PKD1: variants seen among roughly 807,000 people sequenced by gnomAD.
The protein encoded by PKD1 is polycystin-1.
PKD1 carries 81 observed loss-of-function variants against 361.7 expected under a neutral mutation model. That is an observed-to-expected ratio of 0.22 (90% CI 0.19 to 0.27). The LOEUF (loss-of-function observed/expected upper bound fraction) is 0.27, where lower values mean the gene tolerates loss of function less well. Among genes scored for constraint, PKD1 ranks in the 10% least tolerant of loss-of-function variants. PKD1 has a pLI of 1.00. For synonymous variants in PKD1, 3,615 were observed against 2,818.3 expected (o/e 1.28, Z -8.95); for missense variants, 6,399 against 6,118.3 (o/e 1.05, Z -1.53).
chr16:2,126,640 G>A (rs1054176788), intron 1 of PKD1, among the ~76,000 whole-genome samples: 2 of 152,246 alleles, frequency 1.3e-5, no homozygotes, highest in African/African-American at 4.8e-5. Flanking sequence ...CAGCCAGCTG[G>A]AGCGCAGGCA....
chr16:2,093,851 G>T lies in PKD1; in HGVS notation c.10781C>A (p.Ala3594Asp). Reference sequence around the variant, plus strand: ...GCCGAGGAATGAGGCCAGGAAGCTGGCGCTGCTGGACAGGAGCCACGCAAC... The same window carrying T: ...GCCGAGGAATGAGGCCAGGAAGCTGTCGCTGCTGGACAGGAGCCACGCAAC... ...VSVAWLLSSS[A>D]SFLASFLGWE... Residue 3594 changes from alanine (A) to aspartate (D), a missense_variant, in exon 36 of 46, where the codon GCC (alanine) becomes GAC (aspartate). Coordinates refer to ENST00000262304, the MANE Select transcript of PKD1 (RefSeq NM_001009944.3). 1 of 1,565,804 alleles carries T rather than the reference G, an allele frequency of 6.4e-7. No individual in the cohort carries two copies. Among genetic ancestry groups the T allele is most frequent in the Non-Finnish European group, 8.6e-7 (1 of 1,161,516 alleles).
chr16:2,114,268 G>C lies in PKD1; in HGVS notation c.2755C>G (p.Arg919Gly). The C allele has an allele frequency of 6.2e-7, 1 of 1,610,324 alleles. No homozygotes were observed. The highest frequency in any genetic ancestry group is 8.5e-7 in the Non-Finnish European group (1 of 1,179,596). Residue 919 changes from arginine to glycine, a missense_variant, in exon 11 of 46, where the codon CGG (arginine) becomes GGG (glycine). Transcript: ENST00000262304. Reference protein sequence around the residue: ...VDVVVENSASRANLSLRVTAE... With the variant: ...VDVVVENSASGANLSLRVTAE... Reference sequence around the variant, plus strand: ...GTCACCCGCAGGCTGAGGTTGGCCCGGCTGGCGCTGTTTTCCACCACCACG... The same window carrying C: ...GTCACCCGCAGGCTGAGGTTGGCCCCGCTGGCGCTGTTTTCCACCACCACG...
chr16:2,122,678 A>AC (rs1430918111), intron 1 of PKD1, among the ~76,000 whole-genome samples: 2 of 152,206 alleles, frequency 1.3e-5, no homozygotes, highest in Non-Finnish European at 1.5e-5. Flanking sequence ...GCCGTGAGGA[A>AC]CTGCAGTTAG....
chr16:2,092,344 C>G, intron 39 of PKD1, 136 bp downstream of exon 39: 1 of 996,486 alleles, frequency 1.0e-6, no homozygotes, highest in Admixed American at 2.1e-5. Flanking sequence ...CTCTCATATA[C>G]AGAGAAGGAA....
chr16:2,089,266 A>G lies in PKD1; in HGVS notation c.*461T>C, dbSNP rs969550464. On this transcript the variant is annotated 3_prime_UTR_variant, in exon 46 of 46. Coordinates refer to ENST00000262304, the MANE Select transcript of PKD1 (RefSeq NM_001009944.3). ...GACATACAAAAATATACACATTTTA[A>G]CACCATATAAATTACTGACACGAGA... 5.1e-6 allele frequency: 1 copy of G among 194,804 alleles called. No individual in the cohort carries two copies. 12.1% of individuals were successfully genotyped at this position (194,804 alleles called of 1,614,324 possible).
chr16:2,127,361 T>C (rs941274732), intron 1 of PKD1, among the ~76,000 whole-genome samples: 2 of 152,002 alleles, frequency 1.3e-5, no homozygotes, highest in Admixed American at 6.5e-5. Flanking sequence ...CACCCAGATG[T>C]AGGCACAAGC....
chr16:2,109,510 G>A lies in PKD1; in HGVS notation c.5657C>T (p.Pro1886Leu), dbSNP rs80360487. The A allele has an allele frequency of 6.2e-7, 1 of 1,610,154 alleles. No individual in the cohort carries two copies. The highest frequency in any genetic ancestry group is 8.5e-7 in the Non-Finnish European group (1 of 1,179,304). ...SATYNLTAEE[P>L]IVGLVLWASS... ...GGCCCACAGCACCAGGCCCACGATG[G>A]GCTCCTCCGCCGTGAGGTTGTACGT... Residue 1886 changes from proline to leucine, a missense_variant, in exon 15 of 46, where the codon CCC becomes CTC. Physicochemically the swap from Pro to Leu is moderately conservative, Grantham distance 98. Transcript: ENST00000262304.
In PKD1 at chr16:2,092,946, G is replaced by A. The variant is rs747126384; in HGVS notation, c.11156+8C>T. 2.5e-6 allele frequency: 4 copies of A among 1,612,998 alleles called. No homozygotes were observed. Among genetic ancestry groups the A allele is most frequent in the Non-Finnish European group, 3.4e-6 (4 of 1,180,006 alleles). ...CAGAAGACAGACCAGTGCACCGGAT[G>A]CCCGTACCGCGTGATGGCCAGGAAG... On this transcript the variant is annotated splice_region_variant and intron_variant, in intron 38 of 45. Transcript: ENST00000262304.
intron 42 of PKD1, 58 bp from the exon 43 acceptor site, chr16:2,091,232 G>C: frequency 1.2e-6 from 1 of 815,958 alleles, no homozygotes; most frequent in Admixed American, 5.2e-5. Context: ...GGCCCTGCGA[G>C]GGGGCGGGAC....
In PKD1 at chr16:2,097,865, C is replaced by T. The variant is rs1473845632; in HGVS notation, c.10167+3G>A. 3 of 1,605,430 alleles carry T rather than the reference C, an allele frequency of 1.9e-6. No individual in the cohort carries two copies. The highest frequency in any genetic ancestry group is 1.7e-5 in the Admixed American group (1 of 59,994). ...AGCCCAGGACCCCCAGTAGAGTCCT[C>T]ACCTCAGCGTGGAGGCCTGAGAACG... On this transcript the variant is annotated splice_donor_region_variant and intron_variant, in intron 31 of 45. Coordinates refer to ENST00000262304, the MANE Select transcript of PKD1 (RefSeq NM_001009944.3).
At position 2,088,743 on chromosome 16, in the gene PKD1, C is replaced by T. The variant is rs1198786097; in HGVS notation, c.*984G>A. Reference sequence around the variant, plus strand: ...ACAGCTCTTTTATTGACTTTGTCTGCTTGGTGCGGGGGTTGGGGGGGTGTC... The same window carrying T: ...ACAGCTCTTTTATTGACTTTGTCTGTTTGGTGCGGGGGTTGGGGGGGTGTC... On this transcript the variant is annotated 3_prime_UTR_variant, in exon 46 of 46. Transcript: ENST00000262304. 7.0e-5 allele frequency: 89 copies of T among 1,280,504 alleles called. No homozygotes were observed. Among genetic ancestry groups the T allele is most frequent in the African/African-American group, 8.9e-5 (6 of 67,082 alleles). 79.3% of individuals were successfully genotyped at this position (1,280,504 alleles called of 1,614,324 possible). A position where few individuals can be genotyped will look rare whatever the true frequency, so the allele number is the denominator to read the frequency against.
At chr16:2,125,968 G>A (rs2092793751) in intron 1 of PKD1, among the ~76,000 whole-genome samples, 1 of 152,182 alleles carries the variant, frequency 6.6e-6, no homozygotes, top group South Asian at 2.1e-4. Context: ...AGGGTCCAGT[G>A]TGTCAATGGA....
chr16:2,123,771 C>T (rs1320070549), intron 1 of PKD1, among the ~76,000 whole-genome samples: 1 of 152,168 alleles, frequency 6.6e-6, no homozygotes, highest in Non-Finnish European at 1.5e-5. Context: ...CCCTTGCTGC[C>T]CCACGCACTC....
At position 2,090,410 on chromosome 16, in the gene PKD1, G is replaced by A. The variant is rs567582086; in HGVS notation, c.12319C>T (p.Arg4107Cys). The stretch of plus-strand genomic sequence containing the variant: ...CCACGCAAGGCGTGGTAGCGCCAGC[G>A]GAGAATAACAGCCCCCAGCCGTAGG... ...GALRLGAVIL[R>C]WRYHALRGEL... The change falls in exon 45 of 46, where the codon CGC (arginine) becomes TGC (cysteine). Residue 4107 changes from arginine to cysteine, a missense_variant. By Grantham distance (180) the Arg-to-Cys change is radical (BLOSUM62 -3). Coordinates refer to ENST00000262304, the MANE Select transcript of PKD1 (RefSeq NM_001009944.3). 33 of 1,612,652 alleles carry A rather than the reference G, an allele frequency of 2.0e-5. No homozygotes were observed. The highest frequency in any genetic ancestry group is 4.0e-5 in the African/African-American group (3 of 75,058).
chr16:2,120,615 T>A (rs1423728920), intron 1 of PKD1, among the ~76,000 whole-genome samples: 1 of 152,068 alleles, frequency 6.6e-6, no homozygotes, highest in African/African-American at 2.4e-5. Flanking sequence ...GGAGGAAGGA[T>A]CGCTTGAGCC....
chr16:2,093,969 C>T lies in PKD1; in HGVS notation c.10663G>A (p.Ala3555Thr), dbSNP rs756463775. The change falls in exon 36 of 46, where the codon GCC (alanine) becomes ACC (threonine). Residue 3555 changes from alanine to threonine, a missense_variant. Coordinates refer to ENST00000262304, the MANE Select transcript of PKD1 (RefSeq NM_001009944.3). ...LRKRLLPAWC[A>T]SLAHGLSLLL... ...AGGCTGAGCCCGTGGGCCAGGGAGG[C>T]ACACCAGGCCGGCAGCAGGCGCTTC... 5.4e-5 allele frequency: 86 copies of T among 1,587,126 alleles called. No homozygotes were observed. Among genetic ancestry groups the T allele is most frequent in the Non-Finnish European group, 7.0e-5 (82 of 1,170,048 alleles).
At chr16:2,105,247 C>T in intron 21 of PKD1, 75 bp downstream of exon 21, 1 of 1,489,484 alleles carries the variant, frequency 6.7e-7, no homozygotes, top group Non-Finnish European at 9.1e-7. Context: ...GCCAAGCTGC[C>T]CGTCTGCCCT....
At position 2,118,181 on chromosome 16, in the gene PKD1, C is replaced by T; in HGVS notation, c.811G>A (p.Ala271Thr). The change falls in exon 5 of 46, where the codon GCC becomes ACC. Residue 271 changes from alanine to threonine, a missense_variant. Ala to Thr is a moderately conservative substitution (Grantham distance 58). Transcript: ENST00000262304. This position sits in a 1 kb window ranked among gnomAD's most constrained non-coding sequence, Gnocchi z 6.0. ...GPTLLQHVFP[A>T]SPGATLVGPH... ...CCCACCAGGGTGGCCCCTGGGGAGGCAGGGAAGACGTGCTGGAGGAGGGTG... is the reference window on the plus strand; with the variant it reads ...CCCACCAGGGTGGCCCCTGGGGAGGTAGGGAAGACGTGCTGGAGGAGGGTG... The T allele has an allele frequency of 6.4e-7, 1 of 1,558,840 alleles. No homozygotes were observed. Among genetic ancestry groups the T allele is most frequent in the African/African-American group, 1.4e-5 (1 of 73,682 alleles).
At chr16:2,126,986 T>A (rs889656572) in intron 1 of PKD1, among the ~76,000 whole-genome samples, 28 of 152,116 alleles carry the variant, frequency 1.8e-4, no homozygotes. Flanking sequence ...TGGGCCAGGA[T>A]GGCAGAGGAG....
Sources: allele counts gnomAD v4.1 joint callset (sites outside exome capture counted in the v4.1 genomes callset), GRCh38; gene constraint gnomAD v4.1.1; non-coding constraint Gnocchi (gnomAD v3.1); transcripts MANE v1.5; gene names NCBI Gene and HGNC (gene_info 2026-07-23, HGNC 2026-07-21).